Variants in TMEM30B observed in about 807,000 individuals in gnomAD.
TMEM30B encodes cell cycle control protein 50B.
A neutral mutation model predicts 27.9 loss-of-function variants in TMEM30B; 25 were observed. The ratio of observed to expected loss-of-function variants is 0.89; its 90% CI spans 0.65 to 1.25. TMEM30B has a LOEUF of 1.25. TMEM30B is among the 50% of genes most tolerant of loss of function. The pLI, the probability that TMEM30B is intolerant of heterozygous loss-of-function variation, is 0.00. For synonymous variants in TMEM30B, 248 were observed against 238.5 expected (o/e 1.04, Z -0.37); for missense variants, 536 against 506.5 (o/e 1.06, Z -0.56).
rs1204098949 is a variant in TMEM30B at position 61,280,677 on chromosome 14, C to T, written c.471G>A (p.Leu157=). 1 of 1,573,884 alleles carries T rather than the reference C, an allele frequency of 6.4e-7. No homozygotes were observed. Among genetic ancestry groups the T allele is most frequent in the South Asian group, 1.2e-5 (1 of 86,874 alleles). The change falls in exon 1 of 1, where the codon CTG becomes CTA. Residue 157 remains leucine (L), a synonymous_variant. Transcript: ENST00000555868. The surrounding 1 kb of genome is among the most constrained non-coding windows in gnomAD (Gnocchi z 5.0). ...CGATGGCGCCGCAGGGCGCGATGGG[C>T]AGGCCGGCCGCGCTGCGCTGGTAGG... ...CAPYQRSAAG[L]PIAPCGAIAN...
chr14:61,280,017 G>C lies in TMEM30B; in HGVS notation c.*75C>G, dbSNP rs2045241738. 7.7e-7 allele frequency: 1 copy of C among 1,305,190 alleles called. No homozygotes were observed. The highest frequency in any genetic ancestry group is 1.5e-5 in the African/African-American group (1 of 67,092). 80.9% of individuals were successfully genotyped at this position (1,305,190 alleles called of 1,614,324 possible). A position where few individuals can be genotyped will look rare whatever the true frequency, so the allele number is the denominator to read the frequency against. On this transcript the variant is annotated 3_prime_UTR_variant, in exon 1 of 1. Coordinates refer to ENST00000555868, the MANE Select transcript of TMEM30B (RefSeq NM_001017970.3). This position sits in a 1 kb window ranked among gnomAD's most constrained non-coding sequence, Gnocchi z 5.0. ...CTAGGCGAGGTTGGAATTGGGTGAC[G>C]GGCGAGGAGGAGATGCCAAAAGCAC...
Position 61,278,218 on chromosome 14 carries a change from G to A in TMEM30B, c.*1874C>T, listed in dbSNP as rs2045221922. On this transcript the variant is annotated 3_prime_UTR_variant, in exon 1 of 1. Coordinates refer to ENST00000555868, the MANE Select transcript of TMEM30B (RefSeq NM_001017970.3). ...TAGAGGAGGGGTGGGCTAGTGAGCT[G>A]CTCAAACATTTGTAACAAATAAAAA... is the stretch of plus-strand genomic sequence containing the variant. 1 of 152,144 alleles carries A rather than the reference G, an allele frequency of 6.6e-6. No homozygotes were observed. The highest frequency in any genetic ancestry group is 1.5e-5 in the Non-Finnish European group (1 of 68,020). 9.4% of individuals were successfully genotyped at this position (152,144 alleles called of 1,614,324 possible).
At position 61,280,726 on chromosome 14, in the gene TMEM30B, C is replaced by G; in HGVS notation, c.422G>C (p.Arg141Pro). Residue 141 changes from arginine (R) to proline (P), a missense_variant, in exon 1 of 1, where the codon CGC becomes CCC. By Grantham distance (103) the Arg-to-Pro change is moderately radical. Transcript: ENST00000555868. The surrounding 1 kb of genome is among the most constrained non-coding windows in gnomAD (Gnocchi z 5.0). ...GGGGGCGCACTCGTTGACAGGGTGG[C>G]GCAGCGCGCTGGGGAGTCCGCTCAG... ...AQLSGLPSAL[R>P]HPVNECAPYQ... 1 of 1,577,128 alleles carries G rather than the reference C, an allele frequency of 6.3e-7. No homozygotes were observed. Among genetic ancestry groups the G allele is most frequent in the East Asian group, 2.3e-5 (1 of 43,276 alleles).
Position 61,281,250 on chromosome 14 carries a change from G to A in TMEM30B, c.-103C>T. ...CAAGCCCGGGGACTGCTCGCGGGTCGGGTTTCCCGCCAGCTCAGGTGGGTT... is the reference window on the plus strand; with the variant it reads ...CAAGCCCGGGGACTGCTCGCGGGTCAGGTTTCCCGCCAGCTCAGGTGGGTT... On this transcript the variant is annotated 5_prime_UTR_variant, in exon 1 of 1. Coordinates refer to ENST00000555868, the MANE Select transcript of TMEM30B (RefSeq NM_001017970.3). 2 of 672,278 alleles carry A rather than the reference G, an allele frequency of 3.0e-6. No homozygotes were observed. Among genetic ancestry groups the A allele is most frequent in the Non-Finnish European group, 4.2e-6 (2 of 470,674 alleles). The allele number at this position is 672,278 out of a possible 1,614,324, so 41.6% of individuals were successfully genotyped here.
Position 61,278,003 on chromosome 14 carries a change from A to C in TMEM30B, c.*2089T>G, listed in dbSNP as rs1453193862. On this transcript the variant is annotated 3_prime_UTR_variant, in exon 1 of 1. Coordinates refer to ENST00000555868, the MANE Select transcript of TMEM30B (RefSeq NM_001017970.3). ...CAAAGGTAAGACAAACATAACCTTT[A>C]TTCTCTCTCAAAAACCCAGAGAACA... is the stretch of plus-strand genomic sequence containing the variant. 1 of 152,250 alleles carries C rather than the reference A, an allele frequency of 6.6e-6. No homozygotes were observed. Among genetic ancestry groups the C allele is most frequent in the Admixed American group, 6.5e-5 (1 of 15,288 alleles). The allele number at this position is 152,250 out of a possible 1,614,324, so 9.4% of individuals were successfully genotyped here.
In TMEM30B at chr14:61,281,083, C is replaced by A; in HGVS notation, c.65G>T (p.Arg22Leu). 6 of 1,513,324 alleles carry A rather than the reference C, an allele frequency of 4.0e-6. No homozygotes were observed. Among genetic ancestry groups the A allele is most frequent in the Non-Finnish European group, 4.4e-6 (5 of 1,134,884 alleles). The allele number at this position is 1,513,324 out of a possible 1,614,324, so 93.7% of individuals were successfully genotyped here. The stretch of plus-strand genomic sequence containing the variant: ...CAGCAGCGGCTGCCAGGCGGGGAGG[C>A]GCTGCTGAGTGAAGGCGGTGTTGTC... ...QPDNTAFTQQ[R>L]LPAWQPLLSA... The change falls in exon 1 of 1, where the codon CGC (arginine) becomes CTC (leucine). Residue 22 changes from arginine (R) to leucine (L), a missense_variant. Physicochemically the swap from Arg to Leu is moderately radical, Grantham distance 102 (BLOSUM62 -2). Coordinates refer to ENST00000555868, the MANE Select transcript of TMEM30B (RefSeq NM_001017970.3).
Position 61,280,498 on chromosome 14 carries a change from G to A in TMEM30B, c.650C>T (p.Ala217Val), listed in dbSNP as rs373435282. 65 of 1,612,714 alleles carry A rather than the reference G, an allele frequency of 4.0e-5. No homozygotes were observed. The highest frequency in any genetic ancestry group is 5.2e-5 in the Non-Finnish European group (61 of 1,179,598). ...RNPPLVNGSL[A>V]LAFQGTAPPP... is the part of the protein sequence containing the mutation. ...GGGCGCCGTGCCCTGGAAGGCCAACGCCAGGCTGCCGTTGACCAGCGGCGG... is the reference window on the plus strand; with the variant it reads ...GGGCGCCGTGCCCTGGAAGGCCAACACCAGGCTGCCGTTGACCAGCGGCGG... Residue 217 changes from alanine to valine, a missense_variant, in exon 1 of 1, where the codon GCG becomes GTG. Coordinates refer to ENST00000555868, the MANE Select transcript of TMEM30B (RefSeq NM_001017970.3). This position sits in a 1 kb window ranked among gnomAD's most constrained non-coding sequence, Gnocchi z 5.0.
chr14:61,281,307 A>G lies in TMEM30B; in HGVS notation c.-160T>C. 1 of 392,152 alleles carries G rather than the reference A, an allele frequency of 2.6e-6. No homozygotes were observed. Among genetic ancestry groups the G allele is most frequent in the Non-Finnish European group, 4.6e-6 (1 of 217,940 alleles). The allele number at this position is 392,152 out of a possible 1,614,324, so 24.3% of individuals were successfully genotyped here. ...CGGGCCCCTCCTCTGCCTCCGTCAC[A>G]GGTGAGTTTAGTTCCAGGCCCTACG... is the stretch of plus-strand genomic sequence containing the variant. On this transcript the variant is annotated 5_prime_UTR_variant, in exon 1 of 1. Coordinates refer to ENST00000555868, the MANE Select transcript of TMEM30B (RefSeq NM_001017970.3).
chr14:61,280,354 A>T lies in TMEM30B; in HGVS notation c.794T>A (p.Leu265Gln). 1 of 1,613,962 alleles carries T rather than the reference A, an allele frequency of 6.2e-7. No homozygotes were observed. The highest frequency in any genetic ancestry group is 8.5e-7 in the Non-Finnish European group (1 of 1,179,928). Residue 265 changes from leucine to glutamine, a missense_variant, in exon 1 of 1, where the codon CTG (leucine) becomes CAG (glutamine). Leu to Gln is a moderately radical substitution (Grantham distance 113). Coordinates refer to ENST00000555868, the MANE Select transcript of TMEM30B (RefSeq NM_001017970.3). The surrounding 1 kb of genome is among the most constrained non-coding windows in gnomAD (Gnocchi z 5.0). ...RTAALPTFRK[L>Q]YARIRQGNYS... ...GTTGCCCTGGCGGATGCGCGCGTACAGTTTGCGGAACGTGGGCAGCGCCGC... is the reference window on the plus strand; with the variant it reads ...GTTGCCCTGGCGGATGCGCGCGTACTGTTTGCGGAACGTGGGCAGCGCCGC...
In TMEM30B at chr14:61,280,136, C is replaced by G; in HGVS notation, c.1012G>C (p.Val338Leu). Residue 338 changes from valine (V) to leucine (L), a missense_variant, in exon 1 of 1, where the codon GTC becomes CTC. Coordinates refer to ENST00000555868, the MANE Select transcript of TMEM30B (RefSeq NM_001017970.3). This position sits in a 1 kb window ranked among gnomAD's most constrained non-coding sequence, Gnocchi z 5.0. ...CILTGFVMLV[V>L]YIRYQDQDDD... ...TCCTGGTCCTGGTAGCGAATGTAGA[C>G]GACCAGCATGACAAAGCCGGTGAGG... 1 of 1,613,912 alleles carries G rather than the reference C, an allele frequency of 6.2e-7. No homozygotes were observed. The highest frequency in any genetic ancestry group is 2.2e-5 in the East Asian group (1 of 44,862).
Position 61,280,990 on chromosome 14 carries a change from A to AGGC in TMEM30B, c.155_157dup (p.Gly52_Leu53insArg). On this transcript the variant is annotated inframe_insertion, in exon 1 of 1. Transcript: ENST00000555868. The surrounding 1 kb of genome is among the most constrained non-coding windows in gnomAD (Gnocchi z 5.0). Reference sequence around the variant, plus strand: ...CTTGATGCCGTTGGAGGAGTAGTAGAGGCCCAGGCCCAGGCCGATGAAGGC... The same window carrying AGGC: ...CTTGATGCCGTTGGAGGAGTAGTAGAGGCGGCCCAGGCCCAGGCCGATGAAGGC... The AGGC allele has an allele frequency of 6.5e-7, 1 of 1,540,182 alleles. No individual in the cohort carries two copies. Among genetic ancestry groups the AGGC allele is most frequent in the Non-Finnish European group, 8.7e-7 (1 of 1,145,680 alleles).
In TMEM30B at chr14:61,280,844, C is replaced by T; in HGVS notation, c.304G>A (p.Glu102Lys). ...CSCAWYFSLPELFQGPVYLYY... is the reference protein window; with the variant it reads ...CSCAWYFSLPKLFQGPVYLYY... ...AGGTACACTGGGCCCTGGAAGAGCT[C>T]GGGCAGCGAGAAGTACCAGGCGCAC... The change falls in exon 1 of 1, where the codon GAG (glutamate) becomes AAG (lysine). Residue 102 changes from glutamate (E) to lysine (K), a missense_variant. Glu to Lys is a moderately conservative substitution (Grantham distance 56). Transcript: ENST00000555868. The surrounding 1 kb of genome is among the most constrained non-coding windows in gnomAD (Gnocchi z 5.0). 6.4e-7 allele frequency: 1 copy of T among 1,564,948 alleles called. No homozygotes were observed.
Position 61,280,608 on chromosome 14 carries a change from G to A in TMEM30B, c.540C>T (p.Arg180=), listed in dbSNP as rs1285042723. 6 of 1,585,660 alleles carry A rather than the reference G, an allele frequency of 3.8e-6. No individual in the cohort carries two copies. The highest frequency in any genetic ancestry group is 2.3e-5 in the East Asian group (1 of 43,256). ...CCTCGACGTAGGGCCCGCCGGGCTG[G>A]CGCTGGTGCCAAAGCGAGAAGGAGT... ...FNDSFSLWHQ[R]QPGGPYVEVP... is the part of the protein sequence containing the mutation. The change falls in exon 1 of 1, where the codon CGC becomes CGT. Residue 180 remains arginine (R), a synonymous_variant. Transcript: ENST00000555868. This position sits in a 1 kb window ranked among gnomAD's most constrained non-coding sequence, Gnocchi z 5.0.
At position 61,280,570 on chromosome 14, in the gene TMEM30B, C is replaced by G; in HGVS notation, c.578G>C (p.Arg193Pro). Residue 193 changes from arginine to proline, a missense_variant, in exon 1 of 1, where the codon CGC (arginine) becomes CCC (proline). By Grantham distance (103) the Arg-to-Pro change is moderately radical (BLOSUM62 -2). Transcript: ENST00000555868. This position sits in a 1 kb window ranked among gnomAD's most constrained non-coding sequence, Gnocchi z 5.0. ...GTCGGTCCACCAGGCGATGCCGGAGCGGTCGAGCGGCACCTCGACGTAGGG... is the reference window on the plus strand; with the variant it reads ...GTCGGTCCACCAGGCGATGCCGGAGGGGTCGAGCGGCACCTCGACGTAGGG... ...GGPYVEVPLD[R>P]SGIAWWTDYH... 4 of 1,604,702 alleles carry G rather than the reference C, an allele frequency of 2.5e-6. No individual in the cohort carries two copies. The highest frequency in any genetic ancestry group is 3.4e-6 in the Non-Finnish European group (4 of 1,176,090).
Position 61,280,471 on chromosome 14 carries a change from G to A in TMEM30B, c.677C>T (p.Pro226Leu). Residue 226 changes from proline (P) to leucine (L), a missense_variant, in exon 1 of 1, where the codon CCG (proline) becomes CTG (leucine). Coordinates refer to ENST00000555868, the MANE Select transcript of TMEM30B (RefSeq NM_001017970.3). The surrounding 1 kb of genome is among the most constrained non-coding windows in gnomAD (Gnocchi z 5.0). ...LALAFQGTAP[P>L]PNWRRPVYEL... ...GTAGACTGGCCGGCGCCAGTTGGGC[G>A]GGGGCGCCGTGCCCTGGAAGGCCAA... 6.2e-7 allele frequency: 1 copy of A among 1,613,370 alleles called. No individual in the cohort carries two copies. Among genetic ancestry groups the A allele is most frequent in the Non-Finnish European group, 8.5e-7 (1 of 1,179,708 alleles).
chr14:61,281,053 G>A lies in TMEM30B; in HGVS notation c.95C>T (p.Ala32Val). The stretch of plus-strand genomic sequence containing the variant: ...GAAGAAGAGCGGCAGCGCGATGCTG[G>A]CCGACAGCAGCGGCTGCCAGGCGGG... Reference protein sequence around the residue: ...RLPAWQPLLSASIALPLFFCA... With the variant: ...RLPAWQPLLSVSIALPLFFCA... The change falls in exon 1 of 1, where the codon GCC becomes GTC. Residue 32 changes from alanine to valine, a missense_variant. Coordinates refer to ENST00000555868, the MANE Select transcript of TMEM30B (RefSeq NM_001017970.3). 6.6e-7 allele frequency: 1 copy of A among 1,523,168 alleles called. No individual in the cohort carries two copies. The allele number at this position is 1,523,168 out of a possible 1,614,324, so 94.4% of individuals were successfully genotyped here.
rs2045263110 is a variant in TMEM30B, at chr14:61,281,237, C to T, written c.-90G>A. The T allele has an allele frequency of 2.4e-6, 2 of 818,762 alleles. No homozygotes were observed. The highest frequency in any genetic ancestry group is 4.5e-5 in the Admixed American group (1 of 22,196). The allele number at this position is 818,762 out of a possible 1,614,324, so 50.7% of individuals were successfully genotyped here. ...TCTCCGCGCCGCGCAAGCCCGGGGA[C>T]TGCTCGCGGGTCGGGTTTCCCGCCA... On this transcript the variant is annotated 5_prime_UTR_variant, in exon 1 of 1. Transcript: ENST00000555868.
Position 61,279,766 on chromosome 14 carries a change from C to A in TMEM30B, c.*326G>T. The A allele has an allele frequency of 3.6e-6, 1 of 274,120 alleles. No homozygotes were observed. Among genetic ancestry groups the A allele is most frequent in the Non-Finnish European group, 6.9e-6 (1 of 145,964 alleles). The allele number at this position is 274,120 out of a possible 1,614,324, so 17.0% of individuals were successfully genotyped here. ...ACATTGCTAGGTCTCTCAATCTCTT[C>A]CTCTAATAGGGGTTTAATAGGAGTC... On this transcript the variant is annotated 3_prime_UTR_variant, in exon 1 of 1. Transcript: ENST00000555868.
chr14:61,281,135 C>A lies in TMEM30B; in HGVS notation c.13G>T (p.Ala5Ser). Residue 5 changes from alanine (A) to serine (S), a missense_variant, in exon 1 of 1, where the codon GCC becomes TCC. Ala to Ser is a moderately conservative substitution (Grantham distance 99, BLOSUM62 1). Coordinates refer to ENST00000555868, the MANE Select transcript of TMEM30B (RefSeq NM_001017970.3). ...GGCTGGTGGGCGCCCCGGGCCGTGG[C>A]GCTCCAGGTCATGGCGGCCGCGCGG... MTWS[A>S]TARGAHQPDN... 7.2e-7 allele frequency: 1 copy of A among 1,380,694 alleles called. No individual in the cohort carries two copies. Among genetic ancestry groups the A allele is most frequent in the South Asian group, 1.7e-5 (1 of 58,610 alleles). The allele number at this position is 1,380,694 out of a possible 1,614,324, so 85.5% of individuals were successfully genotyped here.
Sources: allele counts gnomAD v4.1 joint callset, GRCh38; gene constraint gnomAD v4.1.1; non-coding constraint Gnocchi (gnomAD v3.1); transcripts MANE v1.5; gene names NCBI Gene and HGNC (gene_info 2026-07-23, HGNC 2026-07-21).